The following ABHD2 variants were observed in gnomAD, a reference collection of about 807,000 sequenced individuals.
ABHD2 encodes monoacylglycerol lipase ABHD2.
ABHD2 carries 20 observed loss-of-function variants against 48.1 expected under a neutral mutation model. The observed-to-expected ratio is 0.42, with a 90% confidence interval of 0.29 to 0.60. The LOEUF is 0.60. ABHD2 is among the 20% of genes least tolerant of loss of function. The probability of loss-of-function intolerance (pLI) is 0.24; values close to 1 mark genes in which losing one functional copy is unlikely to be tolerated. For missense variants in ABHD2, 405 were observed against 550.9 expected, an observed-to-expected ratio of 0.74 and a Z score of 2.65; for synonymous variants, 209 against 214.2, an observed-to-expected ratio of 0.98 and a Z score of 0.21.
At position 89,195,295 on chromosome 15, in the gene ABHD2, G is replaced by A; in HGVS notation, c.1150G>A (p.Val384Met). 2 of 1,614,250 alleles carry A rather than the reference G, an allele frequency of 1.2e-6. No homozygotes were observed. The highest frequency in any genetic ancestry group is 2.7e-5 in the African/African-American group (2 of 75,064). ...GGHLGFFEGS[V>M]LFPEPLTWMD... ...CCACTTGGGCTTCTTTGAGGGCTCT[G>A]TGCTGTTCCCCGAGCCCCTGACATG... The change falls in exon 11 of 11, where the codon GTG becomes ATG. Residue 384 changes from valine to methionine, a missense_variant. By Grantham distance (21) the Val-to-Met change is conservative. Transcript: ENST00000352732. The surrounding 1 kb of genome is among the most constrained non-coding windows in gnomAD (Gnocchi z 5.1).
In ABHD2 at chr15:89,191,205, A is replaced by G. The variant is rs1009448927; in HGVS notation, c.996+56A>G. Reference sequence around the variant, plus strand: ...ATCACTCCACCCAGCCTCGCACACAATACGACAGATACCTCTCCTGAATTT... The same window carrying G: ...ATCACTCCACCCAGCCTCGCACACAGTACGACAGATACCTCTCCTGAATTT... On this transcript the variant is annotated intron_variant, in intron 9 of 10. Transcript: ENST00000352732. The G allele has an allele frequency of 3.9e-5, 60 of 1,537,766 alleles. No homozygotes were observed. The African/African-American group carries it at 8.0e-4, about 20-fold the overall frequency.
chr15:89,135,551 C>T (rs772377153), intron 3 of ABHD2: 7 of 1,435,710 alleles, frequency 4.9e-6, no homozygotes, highest in African/African-American at 1.4e-5. Context: ...ACTTATTCAT[C>T]ATCATCTTCA....
chr15:89,131,286 C>G (rs1398872129), intron 3 of ABHD2, among the ~76,000 whole-genome samples: 3 of 152,258 alleles, frequency 2.0e-5, no homozygotes, highest in Non-Finnish European at 4.4e-5. Context: ...CATGTTCTCT[C>G]TTGACTATGT....
intron 8 of ABHD2, 116 bp from the exon 9 acceptor site, chr15:89,190,959 GTCTAC>G: frequency 1.1e-6 from 1 of 876,784 alleles, no homozygotes; most frequent in Non-Finnish European, 1.8e-6. Context: ...TCCTGCCTCT[GTCTAC>G]TCTACCAATG....
At chr15:89,117,911 C>T (rs1242181339) in intron 3 of ABHD2, among the ~76,000 whole-genome samples, 1 of 152,180 alleles carries the variant, frequency 6.6e-6, no homozygotes, top group Non-Finnish European at 1.5e-5. Context: ...GCAGTTTTCT[C>T]ATAGTTGTGA....
intron 1 of ABHD2, among the ~76,000 whole-genome samples, chr15:89,090,850 C>T (rs1269040066): frequency 6.6e-6 from 1 of 152,156 alleles, no homozygotes. Flanking sequence ...TTATGAGCCA[C>T]TGTATTAAGT....
At chr15:89,180,380 T>A (rs1254304156) in intron 6 of ABHD2, among the ~76,000 whole-genome samples, 1 of 152,170 alleles carries the variant, frequency 6.6e-6, no homozygotes, top group Non-Finnish European at 1.5e-5. Context: ...GAAAGGGGCT[T>A]GGTAGGTGGC....
In ABHD2 at chr15:89,196,721, T is replaced by G. The variant is rs958060732; in HGVS notation, c.*1298T>G. On this transcript the variant is annotated 3_prime_UTR_variant, in exon 11 of 11. Coordinates refer to ENST00000352732, the MANE Select transcript of ABHD2 (RefSeq NM_152924.5). ...AGTTGGATCTGAGTTTGGAGAAAGA[T>G]ATTTCCAACCTAAGTGGGTATTATT... The G allele has an allele frequency of 2.6e-5, 4 of 152,384 alleles. No homozygotes were observed. The highest frequency in any genetic ancestry group is 4.4e-5 in the Non-Finnish European group (3 of 68,048). 9.4% of individuals were successfully genotyped at this position (152,384 alleles called of 1,614,324 possible).
the ABHD2 span, among the ~76,000 whole-genome samples, chr15:89,066,090 A>G: frequency 2.0e-5 from 3 of 152,268 alleles, no homozygotes; most frequent in South Asian, 6.2e-4. Flanking sequence ...CCATTCCTCT[A>G]TATCCTCTCT....
the ABHD2 span, among the ~76,000 whole-genome samples, chr15:89,057,847 C>T: frequency 3.9e-5 from 6 of 151,940 alleles, no homozygotes; most frequent in Non-Finnish European, 4.4e-5. Flanking sequence ...ACTAAGAAAA[C>T]GAAGATAGAT....
chr15:89,095,469 T>C (rs16942701), intron 1 of ABHD2, among the ~76,000 whole-genome samples: 3 of 152,148 alleles, frequency 2.0e-5, no homozygotes, highest in Non-Finnish European at 4.4e-5. Flanking sequence ...GGATTTGTCA[T>C]GTTTGAAGTG....
At chr15:89,154,625 G>A (rs1185156683) in intron 4 of ABHD2, among the ~76,000 whole-genome samples, 1 of 152,100 alleles carries the variant, frequency 6.6e-6, no homozygotes, top group Non-Finnish European at 1.5e-5. Flanking sequence ...CACACAAAAG[G>A]CAGCATTATT....
rs1901593858 is a variant in ABHD2 at position 89,091,463 on chromosome 15, C to G, written c.-107+2900C>G. ...TGGGCCCCTTTCTCTCTTTCTCACT[C>G]TCTTTTCTCAGTATTTTGGTGGATG... On this transcript the variant is annotated intron_variant, in intron 1 of 10. Transcript: ENST00000352732. The surrounding 1 kb of genome is among the most constrained non-coding windows in gnomAD (Gnocchi z 5.5). 6.6e-6 allele frequency among the ~76,000 whole-genome samples: 1 copy of G among 152,156 alleles called. No individual in the cohort carries two copies. Among genetic ancestry groups the G allele is most frequent in the African/African-American group, 2.4e-5 (1 of 41,446 alleles).
In ABHD2 at chr15:89,116,483, A is replaced by T. The variant is rs1171972308; in HGVS notation, c.156A>T (p.Ser52=). The T allele has an allele frequency of 6.2e-7, 1 of 1,614,064 alleles. No homozygotes were observed. Among genetic ancestry groups the T allele is most frequent in the African/African-American group, 1.3e-5 (1 of 74,922 alleles). The stretch of plus-strand genomic sequence containing the variant: ...TCTACTTCCAGGACTCGGGGCTCTC[A>T]CGCTTTCTGCTCAAGTCCTGTCCTC... ...PDLYFQDSGL[S]RFLLKSCPLL... is the part of the protein sequence containing the mutation. Residue 52 remains serine, a synonymous_variant, in exon 3 of 11, where the codon TCA becomes TCT. Transcript: ENST00000352732. This position sits in a 1 kb window ranked among gnomAD's most constrained non-coding sequence, Gnocchi z 4.6.
At chr15:89,053,270 G>C in the ABHD2 span, among the ~76,000 whole-genome samples, 1 of 152,000 alleles carries the variant, frequency 6.6e-6, no homozygotes, top group African/African-American at 2.4e-5. Context: ...CCGGCCTGTG[G>C]GCAGCTTTGA....
chr15:89,114,925 C>G lies in ABHD2; in HGVS notation c.-7+1101C>G, dbSNP rs945125942. Among the ~76,000 whole-genome samples the G allele has an allele frequency of 7.2e-5, 11 of 152,210 alleles. No individual in the cohort carries two copies. Among genetic ancestry groups the G allele is most frequent in the Non-Finnish European group, 7.3e-5 (5 of 68,030 alleles). Reference sequence around the variant, plus strand: ...TGCCCTGATGGTGGAAGACTAGTTACGGAGCTGTGATCTTTTACTTCCATT... The same window carrying G: ...TGCCCTGATGGTGGAAGACTAGTTAGGGAGCTGTGATCTTTTACTTCCATT... On this transcript the variant is annotated intron_variant, in intron 2 of 10. Coordinates refer to ENST00000352732, the MANE Select transcript of ABHD2 (RefSeq NM_152924.5). This position sits in a 1 kb window ranked among gnomAD's most constrained non-coding sequence, Gnocchi z 4.2.
chr15:89,079,412 T>G, the ABHD2 span, among the ~76,000 whole-genome samples: 1 of 152,004 alleles, frequency 6.6e-6, no homozygotes, highest in South Asian at 2.1e-4. The surrounding 1 kb of genome is among the most constrained non-coding windows in gnomAD (Gnocchi z 4.3). Context: ...GAACTATGGT[T>G]ACTTGTGTTT....
chr15:89,147,189 C>G (rs964049883), intron 3 of ABHD2, among the ~76,000 whole-genome samples: 1 of 152,028 alleles, frequency 6.6e-6, no homozygotes, highest in African/African-American at 2.4e-5. Flanking sequence ...ATTCATTGTG[C>G]AAGGACAATG....
Position 89,128,704 on chromosome 15 carries a change from C to T in ABHD2, c.194+12183C>T, listed in dbSNP as rs1412351310. On this transcript the variant is annotated intron_variant, in intron 3 of 10. Coordinates refer to ENST00000352732, the MANE Select transcript of ABHD2 (RefSeq NM_152924.5). ...ACTGGTCTGGTCTCTATAGTTGCTT[C>T]GTGGCCAGCTCCTCACCAGGTCCCT... Among the ~76,000 whole-genome samples the T allele has an allele frequency of 2.6e-5, 4 of 152,248 alleles. No individual in the cohort carries two copies. The East Asian group carries it at 7.7e-4, about 29-fold the overall frequency.
Sources: gnomAD v4.1 joint callset for allele counts (sites outside exome capture counted in the v4.1 genomes callset) on GRCh38, gnomAD v4.1.1 for gene constraint, Gnocchi (gnomAD v3.1) non-coding constraint, MANE v1.5 for transcripts, NCBI Gene and HGNC (gene_info 2026-07-23, HGNC 2026-07-21) for gene names.